PSMB7: variants seen among roughly 807,000 people sequenced by gnomAD.
PSMB7 encodes proteasome 20S subunit beta 7.
A neutral mutation model predicts 28.1 loss-of-function variants in PSMB7; 5 were observed. That is an observed-to-expected ratio of 0.18 (90% confidence interval 0.09 to 0.37). The LOEUF is 0.37. Ranked by LOEUF, PSMB7 falls within the 10% of genes least tolerant of loss-of-function variation. The pLI is 1.00. For synonymous variants in PSMB7, 122 were observed against 123.7 expected (o/e 0.99, Z 0.09); for missense variants, 275 against 346.2 (o/e 0.79, Z 1.63).
At chr9:124,402,701 TA>T (rs35113862) in intron 5 of PSMB7, among the ~76,000 whole-genome samples, 17 of 151,666 alleles carry the variant, frequency 1.1e-4, no homozygotes, top group African/African-American at 3.4e-4. Context: ...GAAATTTAAG[TA>T]AAAAAAAGAA....
intron 5 of PSMB7, among the ~76,000 whole-genome samples, chr9:124,396,267 G>C (rs751479940): frequency 2.0e-5 from 3 of 152,000 alleles, no homozygotes; most frequent in Non-Finnish European, 4.4e-5. Context: ...GGTTGTACTT[G>C]AGTATAAAAA....
intron 6 of PSMB7, among the ~76,000 whole-genome samples, chr9:124,362,508 T>A (rs1278734291): frequency 6.6e-6 from 1 of 152,232 alleles, no homozygotes; most frequent in African/African-American, 2.4e-5. Context: ...GAATCTATAT[T>A]TAGTTCCATT....
At position 124,401,611 on chromosome 9, in the gene PSMB7, C is replaced by G. The variant is rs576194156; in HGVS notation, c.511+3706G>C. Reference sequence around the variant, plus strand: ...TCTCCCTTGGGTCCCCTCCTGCCCTCGTCAGTAGGTACATCTGTCTCCCCC... The same window carrying G: ...TCTCCCTTGGGTCCCCTCCTGCCCTGGTCAGTAGGTACATCTGTCTCCCCC... On this transcript the variant is annotated intron_variant, in intron 5 of 7. Coordinates refer to ENST00000259457, the MANE Select transcript of PSMB7 (RefSeq NM_002799.4). Among the ~76,000 whole-genome samples the G allele has an allele frequency of 2.6e-5, 4 of 152,310 alleles. No homozygotes were observed. In the East Asian group the frequency reaches 5.8e-4, roughly 22 times the overall value.
At chr9:124,398,093 A>C (rs1830859738) in intron 5 of PSMB7, among the ~76,000 whole-genome samples, 1 of 152,058 alleles carries the variant, frequency 6.6e-6, no homozygotes, top group Non-Finnish European at 1.5e-5. Context: ...GGATCACTTG[A>C]ACCCAGGAGG....
chr9:124,373,263 A>C (rs1197863535), intron 6 of PSMB7, among the ~76,000 whole-genome samples: 1 of 152,248 alleles, frequency 6.6e-6, no homozygotes, highest in Non-Finnish European at 1.5e-5. Flanking sequence ...ACTATTAGAA[A>C]TCACTACTTA....
chr9:124,391,907 T>G (rs533988859), intron 5 of PSMB7, among the ~76,000 whole-genome samples: 15 of 152,376 alleles, frequency 9.8e-5, no homozygotes, highest in African/African-American at 3.6e-4. Flanking sequence ...TTATTAGATA[T>G]GCTAAAGAAA....
rs1277786710 is a variant in PSMB7 at position 124,356,899 on chromosome 9, T to C, written c.587A>G (p.Asn196Ser). The change falls in exon 7 of 8, where the codon AAT becomes AGT. Residue 196 changes from asparagine (N) to serine (S), a missense_variant. Asn to Ser is a conservative substitution (Grantham distance 46). Around this residue, in one of 2 missense-constraint regions of PSMB7, gnomAD observed 213 missense variants for 302.4 expected, o/e 0.70. Transcript: ENST00000259457. The surrounding 1 kb of genome is among the most constrained non-coding windows in gnomAD (Gnocchi z 4.4). ...AGCTGCGATGGCTTCGCTCACCAGA[T>C]TCTTGGCTTCCTCCTCCTGAGAAAC... Reference protein sequence around the residue: ...RPDMEEEEAKNLVSEAIAAGI... With the variant: ...RPDMEEEEAKSLVSEAIAAGI... 1 of 1,614,182 alleles carries C rather than the reference T, an allele frequency of 6.2e-7. No individual in the cohort carries two copies. Among genetic ancestry groups the C allele is most frequent in the East Asian group, 2.2e-5 (1 of 44,886 alleles).
chr9:124,406,007 A>T (rs560018655), intron 4 of PSMB7, among the ~76,000 whole-genome samples: 2 of 151,656 alleles, frequency 1.3e-5, no homozygotes, highest in African/African-American at 4.9e-5. Flanking sequence ...TTAAAAGACA[A>T]CATTATCATT....
intron 5 of PSMB7, among the ~76,000 whole-genome samples, chr9:124,400,070 G>C (rs1830883922): frequency 6.6e-6 from 1 of 151,870 alleles, no homozygotes; most frequent in South Asian, 2.1e-4. Context: ...CCCCATCTTT[G>C]CTTCTGCTGC....
chr9:124,397,401 T>C (rs1473456070), intron 5 of PSMB7, among the ~76,000 whole-genome samples: 1 of 152,220 alleles, frequency 6.6e-6, no homozygotes, highest in Non-Finnish European at 1.5e-5. Flanking sequence ...GGAAGGCCAG[T>C]CCTCAGAGAG....
intron 4 of PSMB7, among the ~76,000 whole-genome samples, chr9:124,409,341 T>C (rs1416373426): frequency 6.6e-6 from 1 of 152,186 alleles, no homozygotes; most frequent in East Asian, 1.9e-4. Flanking sequence ...AAAGTTACAA[T>C]ATAAGAGTCT....
intron 6 of PSMB7, among the ~76,000 whole-genome samples, chr9:124,365,166 G>A (rs576802752): frequency 1.7e-3 from 266 of 152,338 alleles, no homozygotes; most frequent in African/African-American, 5.9e-3. Context: ...CACCGCACAC[G>A]CTGTGCTGAA....
At chr9:124,374,458 A>G (rs574726062) in intron 6 of PSMB7, among the ~76,000 whole-genome samples, 1 of 152,366 alleles carries the variant, frequency 6.6e-6, no homozygotes, top group Non-Finnish European at 1.5e-5. Context: ...AGAACAGTAG[A>G]CCTAAAAAAG....
intron 5 of PSMB7, chr9:124,396,734 CA>C: frequency 2.2e-6 from 1 of 457,966 alleles, no homozygotes; most frequent in South Asian, 1.6e-5. Context: ...CAGGCAAAAA[CA>C]AAAATTTTAT....
intron 5 of PSMB7, among the ~76,000 whole-genome samples, chr9:124,397,010 T>C (rs1400736159): frequency 6.6e-6 from 1 of 152,218 alleles, no homozygotes; most frequent in African/African-American, 2.4e-5. Flanking sequence ...CTCTTCCAAA[T>C]TACTCTCTTA....
At chr9:124,414,303 A>G (rs1407137799) in intron 2 of PSMB7, among the ~76,000 whole-genome samples, 2 of 152,228 alleles carry the variant, frequency 1.3e-5, no homozygotes, top group Admixed American at 1.3e-4. Context: ...CTGGATTAAG[A>G]CTCAGGAATC....
Position 124,394,736 on chromosome 9 carries a change from G to A in PSMB7, c.512-10080C>T, listed in dbSNP as rs572533081. ...AAGGGCTGACTATATTACATTTCCT[G>A]TAACAATATGAATTTTAGAAGTAAG... On this transcript the variant is annotated intron_variant, in intron 5 of 7. Transcript: ENST00000259457. Among the ~76,000 whole-genome samples the A allele has an allele frequency of 3.3e-5, 5 of 152,268 alleles. No individual in the cohort carries two copies. In the South Asian group the frequency reaches 1.0e-3, roughly 32 times the overall value.
chr9:124,401,203 G>A (rs534491037), intron 5 of PSMB7, among the ~76,000 whole-genome samples: 1 of 152,364 alleles, frequency 6.6e-6, no homozygotes, highest in African/African-American at 2.4e-5. Flanking sequence ...CCACTTGAAT[G>A]TTCTGTCATG....
chr9:124,407,099 C>T (rs757160236), intron 4 of PSMB7, among the ~76,000 whole-genome samples: 1 of 152,218 alleles, frequency 6.6e-6, no homozygotes, highest in Non-Finnish European at 1.5e-5. Flanking sequence ...TTAAAGTTCT[C>T]CACTGTGAGC....
Sources: gnomAD v4.1 joint callset for allele counts (sites outside exome capture counted in the v4.1 genomes callset) on GRCh38, gnomAD v4.1.1 for gene constraint, gnomAD v4.1.1 regional missense constraint, Gnocchi (gnomAD v3.1) non-coding constraint, MANE v1.5 for transcripts, NCBI Gene and HGNC (gene_info 2026-07-23, HGNC 2026-07-21) for gene names.